KIFC2: variants seen among roughly 807,000 people sequenced by gnomAD.
The protein encoded by KIFC2 is kinesin-like protein KIFC2.
KIFC2 carries 94 observed loss-of-function variants against 91.5 expected under a neutral mutation model. That is an observed-to-expected ratio of 1.03 (90% CI 0.87 to 1.22). The LOEUF (loss-of-function observed/expected upper bound fraction) is 1.22. KIFC2 is among the 50% of genes most tolerant of loss of function. The pLI is 0.00. For missense variants in KIFC2, 1,357 were observed against 1,103.3 expected, an observed-to-expected ratio of 1.23 and a Z score of -3.26; for synonymous variants, 729 against 503.9, an observed-to-expected ratio of 1.45 and a Z score of -5.98.
chr8:144,468,702 T>C, intron 9 of KIFC2, 23 bp from the exon 10 acceptor site: 1 of 1,613,822 alleles, frequency 6.2e-7, no homozygotes, highest in Non-Finnish European at 8.5e-7. Context: ...GGGCCTTCCC[T>C]TCCAACAGAC....
chr8:144,466,960 C>A lies in KIFC2; in HGVS notation c.180C>A (p.Ala60=). 6.3e-7 allele frequency: 1 copy of A among 1,592,722 alleles called. No individual in the cohort carries two copies. Among genetic ancestry groups the A allele is most frequent in the Non-Finnish European group, 8.5e-7 (1 of 1,176,202 alleles). The change falls in exon 3 of 18, where the codon GCC becomes GCA. Residue 60 remains alanine, a splice_region_variant and synonymous_variant. Transcript: ENST00000645548. ...ELWTELTGLA[A]SSEPEDGSEG... is the part of the protein sequence containing the mutation. ...CCCGCCCTCCTCCCTGACCGGCAGCCAGCTCCGAGCCTGAGGATGGGTCGG... is the reference window on the plus strand; with the variant it reads ...CCCGCCCTCCTCCCTGACCGGCAGCAAGCTCCGAGCCTGAGGATGGGTCGG...
At position 144,466,853 on chromosome 8, in the gene KIFC2, G is replaced by A; in HGVS notation, c.178+15G>A. 6.5e-7 allele frequency: 1 copy of A among 1,536,426 alleles called. No homozygotes were observed. Among genetic ancestry groups the A allele is most frequent in the East Asian group, 2.4e-5 (1 of 41,150 alleles). On this transcript the variant is annotated intron_variant, in intron 2 of 17. Coordinates refer to ENST00000645548, the MANE Select transcript of KIFC2 (RefSeq NM_001369769.2). ...CGGCCTGGCCGGTAGGTGCGGGCTG[G>A]GAGTCCCGCGGTGCGAGGGCGGTGC...
chr8:144,471,868 T>C lies in KIFC2; in HGVS notation c.1381-74T>C, dbSNP rs1824939090. 2.9e-6 allele frequency: 4 copies of C among 1,377,892 alleles called. No individual in the cohort carries two copies. In the South Asian group the frequency reaches 3.6e-5, roughly 12 times the overall value. 85.4% of individuals were successfully genotyped at this position (1,377,892 alleles called of 1,614,324 possible). ...CTGCTCACACCTGCCTTCGTGGCACTCCCCACCCCACCAAATAGGGCATAA... is the reference window on the plus strand; with the variant it reads ...CTGCTCACACCTGCCTTCGTGGCACCCCCCACCCCACCAAATAGGGCATAA... On this transcript the variant is annotated intron_variant, in intron 12 of 17. Coordinates refer to ENST00000645548, the MANE Select transcript of KIFC2 (RefSeq NM_001369769.2).
chr8:144,473,364 C>T lies in KIFC2; in HGVS notation c.2351C>T (p.Ala784Val), dbSNP rs1448709263. 1.5e-5 allele frequency: 24 copies of T among 1,578,804 alleles called. No individual in the cohort carries two copies. Among genetic ancestry groups the T allele is most frequent in the Non-Finnish European group, 2.0e-5 (23 of 1,166,434 alleles). The change falls in exon 18 of 18, where the codon GCG (alanine) becomes GTG (valine). Residue 784 changes from alanine to valine, a missense_variant. Coordinates refer to ENST00000645548, the MANE Select transcript of KIFC2 (RefSeq NM_001369769.2). ...GACAACGGCTCGGGCTCGGCTCTCGCGCCCGCAGAGGGCCTGCCCCTCTAG... is the reference window on the plus strand; with the variant it reads ...GACAACGGCTCGGGCTCGGCTCTCGTGCCCGCAGAGGGCCTGCCCCTCTAG... ...SPDNGSGSAL[A>V]PAEGLPL
Position 144,466,512 on chromosome 8 carries a change from C to G in KIFC2, c.93C>G (p.Pro31=). 7.8e-7 allele frequency: 1 copy of G among 1,286,328 alleles called. No individual in the cohort carries two copies. Among genetic ancestry groups the G allele is most frequent in the Middle Eastern group, 2.1e-4 (1 of 4,736 alleles). The allele number at this position is 1,286,328 out of a possible 1,614,324, so 79.7% of individuals were successfully genotyped here. A position where few individuals can be genotyped will look rare whatever the true frequency, so the allele number is the denominator to read the frequency against. The change falls in exon 1 of 18, where the codon CCC becomes CCG. Residue 31 remains proline (P), a synonymous_variant. Transcript: ENST00000645548. ...GAAAAAEPGD[P]AQRARKPRGR... is the part of the protein sequence containing the mutation. ...CGGCGGCCGCGGAGCCCGGGGACCC[C>G]GCCCAGGTGAGCGGGGCTGGCCGTG... is the stretch of plus-strand genomic sequence containing the variant.
intron 2 of KIFC2, 46 bp downstream of exon 2, chr8:144,466,884 C>T (rs1187274864): frequency 6.5e-7 from 1 of 1,540,966 alleles, no homozygotes; most frequent in African/African-American, 1.4e-5. Context: ...GGTGCCGGGA[C>T]CTCCCAGGGA....
chr8:144,472,269 T>G lies in KIFC2; in HGVS notation c.1607+10T>G, dbSNP rs1824957226. The G allele has an allele frequency of 6.2e-7, 1 of 1,613,310 alleles. No individual in the cohort carries two copies. Among genetic ancestry groups the G allele is most frequent in the Non-Finnish European group, 8.5e-7 (1 of 1,179,968 alleles). On this transcript the variant is annotated intron_variant, in intron 14 of 17. Transcript: ENST00000645548. ...ACAATGAGGCTGTCAGGTGGGCTAC[T>G]CCACCAGGGAGGCCTTCTCCCCACC...
At chr8:144,470,559 C>T (rs866013117) in intron 12 of KIFC2, 8 of 152,286 alleles carry the variant, frequency 5.3e-5, no homozygotes, top group Admixed American at 5.2e-4. Flanking sequence ...ATTCTAGATT[C>T]TAGCCTTGTG....
At position 144,472,382 on chromosome 8, in the gene KIFC2, TC is replaced by T; in HGVS notation, c.1632del (p.Glu545SerfsTer5). The T allele has an allele frequency of 6.2e-7, 1 of 1,613,210 alleles. No individual in the cohort carries two copies. Among genetic ancestry groups the T allele is most frequent in the Non-Finnish European group, 8.5e-7 (1 of 1,179,924 alleles). On this transcript the variant is annotated frameshift_variant, in exon 15 of 18. Transcript: ENST00000645548. LOFTEE classifies it high-confidence loss of function. ...CCAGGGACCTCCTTGCTCCAGGGCC[TC>T]CCGAGCGCCTGGCCGTGAGGCAGGG... Reference protein sequence around the residue: ...AVRDLLAPGPPERLAVRQGPE... With the variant: ...AVRDLLAPGPXERLAVRQGPE...
rs1055979396 is a variant in KIFC2, at chr8:144,466,400, C to T, written c.-20C>T. On this transcript the variant is annotated 5_prime_UTR_variant, in exon 1 of 18. Coordinates refer to ENST00000645548, the MANE Select transcript of KIFC2 (RefSeq NM_001369769.2). Reference sequence around the variant, plus strand: ...ACGCGGGGCGGCGCGAAGCGGGGCCCTCTGCCGCCCCGCGCTCCCATGTAC... The same window carrying T: ...ACGCGGGGCGGCGCGAAGCGGGGCCTTCTGCCGCCCCGCGCTCCCATGTAC... The T allele has an allele frequency of 1.7e-6, 2 of 1,164,592 alleles. No individual in the cohort carries two copies. The highest frequency in any genetic ancestry group is 3.3e-5 in the African/African-American group (2 of 60,416). The allele number at this position is 1,164,592 out of a possible 1,614,324, so 72.1% of individuals were successfully genotyped here.
At chr8:144,470,846 C>T (rs1824896658) in intron 12 of KIFC2, among the ~76,000 whole-genome samples, 1 of 152,250 alleles carries the variant, frequency 6.6e-6, no homozygotes, top group Admixed American at 6.5e-5. Flanking sequence ...GTGTTCACAG[C>T]AGGTGCCACT....
chr8:144,472,474 C>T lies in KIFC2; in HGVS notation c.1721C>T (p.Thr574Ile). The T allele has an allele frequency of 6.2e-7, 1 of 1,611,816 alleles. No individual in the cohort carries two copies. Among genetic ancestry groups the T allele is most frequent in the Non-Finnish European group, 8.5e-7 (1 of 1,179,392 alleles). ...LTHWDVPNLE[T>I]LHQMLKLGRS... The stretch of plus-strand genomic sequence containing the variant: ...CACTGGGACGTGCCCAACCTGGAGA[C>T]ATTGCACCAGGTAGGGCTGCACCGC... Residue 574 changes from threonine to isoleucine, a missense_variant, in exon 15 of 18, where the codon ACA becomes ATA. Physicochemically the swap from Thr to Ile is moderately conservative, Grantham distance 89. Coordinates refer to ENST00000645548, the MANE Select transcript of KIFC2 (RefSeq NM_001369769.2).
At chr8:144,469,216 A>C (rs1824824166) in intron 10 of KIFC2, 55 bp from the exon 11 acceptor site, 18 of 1,265,042 alleles carry the variant, frequency 1.4e-5, no homozygotes, top group African/African-American at 3.0e-5. Flanking sequence ...CCCACCCCCC[A>C]CCTCCGCAGC....
chr8:144,469,720 C>G, intron 12 of KIFC2, 73 bp downstream of exon 12: 1 of 1,496,804 alleles, frequency 6.7e-7, no homozygotes, highest in East Asian at 2.3e-5. Flanking sequence ...GCTCCAGTTT[C>G]CCCTTCCCAG....
rs1296545307 is a variant in KIFC2 at position 144,466,530 on chromosome 8, T to C, written c.99+12T>C. The C allele has an allele frequency of 1.3e-5, 16 of 1,223,978 alleles. No homozygotes were observed. The highest frequency in any genetic ancestry group is 1.5e-5 in the Non-Finnish European group (15 of 969,112). The allele number at this position is 1,223,978 out of a possible 1,614,324, so 75.8% of individuals were successfully genotyped here. Reference sequence around the variant, plus strand: ...GGGACCCCGCCCAGGTGAGCGGGGCTGGCCGTGCAGCCCGTCGTCTCCCGC... The same window carrying C: ...GGGACCCCGCCCAGGTGAGCGGGGCCGGCCGTGCAGCCCGTCGTCTCCCGC... On this transcript the variant is annotated intron_variant, in intron 1 of 17. Coordinates refer to ENST00000645548, the MANE Select transcript of KIFC2 (RefSeq NM_001369769.2).
intron 12 of KIFC2, among the ~76,000 whole-genome samples, chr8:144,469,993 G>C (rs1415230917): frequency 1.3e-5 from 2 of 152,230 alleles, no homozygotes; most frequent in Non-Finnish European, 2.9e-5. Context: ...TGCTCTCTCT[G>C]CCTTGCCTGG....
At chr8:144,471,610 C>T (rs951128417) in intron 12 of KIFC2, among the ~76,000 whole-genome samples, 5 of 152,122 alleles carry the variant, frequency 3.3e-5, no homozygotes, top group African/African-American at 1.2e-4. Flanking sequence ...TTCACGTTGG[C>T]TTCCACATTA....
At position 144,472,645 on chromosome 8, in the gene KIFC2, G is replaced by A. The variant is rs768571824; in HGVS notation, c.1800G>A (p.Ser600=). 1.9e-6 allele frequency: 3 copies of A among 1,601,094 alleles called. No individual in the cohort carries two copies. The change falls in exon 16 of 18, where the codon TCG becomes TCA. Residue 600 remains serine, a synonymous_variant. Transcript: ENST00000645548. Reference sequence around the variant, plus strand: ...CCATGAACCAGCGCAGCTCCCGCTCGCATGCCCTGGTCACGCTGACGCTGC... The same window carrying A: ...CCATGAACCAGCGCAGCTCCCGCTCACATGCCCTGGTCACGCTGACGCTGC... ...ATAMNQRSSR[S]HALVTLTLRA... is the part of the protein sequence containing the mutation.
Position 144,466,801 on chromosome 8 carries a change from C to G in KIFC2, c.141C>G (p.Pro47=). Residue 47 remains proline, a synonymous_variant, in exon 2 of 18, where the codon CCC becomes CCG. Coordinates refer to ENST00000645548, the MANE Select transcript of KIFC2 (RefSeq NM_001369769.2). ...KPRGRRRPDL[P]APELWTELTG... ...GGGGTCGCCGGCGCCCAGACCTGCC[C>G]GCGCCAGAGCTGTGGACCGAGCTGA... 6.5e-7 allele frequency: 1 copy of G among 1,536,540 alleles called. No homozygotes were observed. Among genetic ancestry groups the G allele is most frequent in the Non-Finnish European group, 8.7e-7 (1 of 1,148,624 alleles).
Sources: allele counts gnomAD v4.1 joint callset (sites outside exome capture counted in the v4.1 genomes callset), GRCh38; gene constraint gnomAD v4.1.1; transcripts MANE v1.5; gene names NCBI Gene and HGNC (gene_info 2026-07-23, HGNC 2026-07-21).